SYNDIG1L: variants seen among roughly 807,000 people sequenced by gnomAD.
The protein encoded by SYNDIG1L is synapse differentiation-inducing gene protein 1-like.
Under a neutral mutation model 20.1 loss-of-function variants are expected in SYNDIG1L, and 13 were observed. That is an observed-to-expected ratio of 0.65 (90% CI 0.42 to 1.03). SYNDIG1L has a LOEUF of 1.03. SYNDIG1L is among the 50% of genes least tolerant of loss of function. The pLI is 0.00. For synonymous variants in SYNDIG1L, 128 were observed against 129.3 expected (o/e 0.99, Z 0.07); for missense variants, 294 against 305.1 (o/e 0.96, Z 0.27).
the SYNDIG1L span, among the ~76,000 whole-genome samples, chr14:74,443,477 A>C: frequency 6.6e-6 from 1 of 152,204 alleles, no homozygotes; most frequent in Non-Finnish European, 1.5e-5. Context: ...CACAGTATAG[A>C]GCTATTCTCC....
the SYNDIG1L span, among the ~76,000 whole-genome samples, chr14:74,477,039 AAC>A: frequency 0.025 from 2,399 of 96,284 alleles, 88 homozygotes; most frequent in East Asian, 0.068. Context: ...CCCCATTCCC[AAC>A]ACACACACAC....
At chr14:74,477,952 C>G in the SYNDIG1L span, among the ~76,000 whole-genome samples, 1 of 152,360 alleles carries the variant, frequency 6.6e-6, no homozygotes, top group Admixed American at 6.5e-5. Flanking sequence ...CTAATCCCCC[C>G]ACGGGAGCCC....
At chr14:74,423,770 T>G (rs575323068) in intron 1 of SYNDIG1L, among the ~76,000 whole-genome samples, 6 of 151,958 alleles carry the variant, frequency 3.9e-5, no homozygotes, top group Non-Finnish European at 8.8e-5. Context: ...TGTCCCCTCC[T>G]CTGGTCTTCC....
At position 74,411,164 on chromosome 14, in the gene SYNDIG1L, G is replaced by A. The variant is rs530150005; in HGVS notation, c.-57-1363C>T. ...CCCTGGATTTCTAATCTGAAGATTG[G>A]GGATTCAGTCCTGGTCTTGACGCCT... On this transcript the variant is annotated intron_variant, in intron 1 of 3. Transcript: ENST00000331628. Among the ~76,000 whole-genome samples, 5 of 152,280 alleles carry A rather than the reference G, an allele frequency of 3.3e-5. No individual in the cohort carries two copies. In the East Asian group the frequency reaches 9.6e-4, roughly 29 times the overall value.
At chr14:74,463,406 G>A in the SYNDIG1L span, among the ~76,000 whole-genome samples, 1,797 of 152,236 alleles carry the variant, frequency 0.012, 38 homozygotes, top group African/African-American at 0.041. Flanking sequence ...TGGTGGATGA[G>A]GCTGGGATGA....
chr14:74,414,702 T>TA (rs1432095129), intron 1 of SYNDIG1L, among the ~76,000 whole-genome samples: 1 of 152,202 alleles, frequency 6.6e-6, no homozygotes, highest in Non-Finnish European at 1.5e-5. Context: ...AAGAATAACT[T>TA]ACACTTACTG....
At chr14:74,409,015 C>T (rs1200693821) in intron 2 of SYNDIG1L, among the ~76,000 whole-genome samples, 2 of 151,712 alleles carry the variant, frequency 1.3e-5, no homozygotes, top group African/African-American at 2.4e-5. Flanking sequence ...TCTTAGATCT[C>T]GATATCTGGT....
intron 2 of SYNDIG1L, among the ~76,000 whole-genome samples, chr14:74,409,020 T>A (rs1199846607): frequency 6.6e-6 from 1 of 151,968 alleles, no homozygotes; most frequent in African/African-American, 2.4e-5. Flanking sequence ...GATCTCGATA[T>A]CTGGTGATGG....
intron 1 of SYNDIG1L, among the ~76,000 whole-genome samples, chr14:74,421,959 C>T (rs1446027761): frequency 6.6e-6 from 1 of 152,186 alleles, no homozygotes; most frequent in Non-Finnish European, 1.5e-5. Flanking sequence ...AAAGCATAAT[C>T]CACCTGCTTG....
chr14:74,476,735 C>T, the SYNDIG1L span: 1 of 624,384 alleles, frequency 1.6e-6, no homozygotes. Flanking sequence ...CTCCCCTCCA[C>T]CCCTTTTTAG....
In SYNDIG1L at chr14:74,418,184, C is replaced by T. The variant is rs370116128; in HGVS notation, c.-58+7728G>A. 6.4e-4 allele frequency among the ~76,000 whole-genome samples: 98 copies of T among 152,274 alleles called. 1 individual carries two copies. The highest frequency in any genetic ancestry group is 2.3e-3 in the African/African-American group (94 of 41,526). ...TGGTGGCTGTTTGTTGATGGCTTGG[C>T]GCTGGATTTGAAGATTTCTGGCTGG... On this transcript the variant is annotated intron_variant, in intron 1 of 3. Transcript: ENST00000331628.
the SYNDIG1L span, among the ~76,000 whole-genome samples, chr14:74,442,127 T>A: frequency 1.3e-5 from 2 of 152,176 alleles, no homozygotes; most frequent in African/African-American, 4.8e-5. Context: ...CTTTTTTTTT[T>A]ATCCATTCAT....
the SYNDIG1L span, among the ~76,000 whole-genome samples, chr14:74,440,642 G>A: frequency 6.6e-6 from 1 of 151,706 alleles, no homozygotes; most frequent in East Asian, 1.9e-4. Context: ...CCGAGATCAC[G>A]CCACTGAACT....
At chr14:74,462,300 A>T in the SYNDIG1L span, among the ~76,000 whole-genome samples, 70 of 151,524 alleles carry the variant, frequency 4.6e-4, no homozygotes, top group Admixed American at 4.5e-3. Context: ...CCTGGCCAAC[A>T]TAGTGAAACT....
chr14:74,470,394 G>T, the SYNDIG1L span, among the ~76,000 whole-genome samples: 1 of 152,112 alleles, frequency 6.6e-6, no homozygotes, highest in Non-Finnish European at 1.5e-5. Flanking sequence ...TCCTGGGGTG[G>T]TTGACTGGAT....
chr14:74,425,713 A>T (rs2139633761), intron 1 of SYNDIG1L, among the ~76,000 whole-genome samples, 199 bp downstream of exon 1: 1 of 152,256 alleles, frequency 6.6e-6, no homozygotes, highest in South Asian at 2.1e-4. Flanking sequence ...ACCCCAGTTC[A>T]TCAGCCCCCT....
chr14:74,464,056 G>T, the SYNDIG1L span, among the ~76,000 whole-genome samples: 1 of 152,228 alleles, frequency 6.6e-6, no homozygotes, highest in Non-Finnish European at 1.5e-5. Context: ...GGGTCTGACC[G>T]TGGCAACCCT....
the SYNDIG1L span, among the ~76,000 whole-genome samples, chr14:74,443,272 A>G: frequency 0.013 from 2,009 of 152,360 alleles, 39 homozygotes; most frequent in African/African-American, 0.047. Flanking sequence ...GAAGGAATTC[A>G]TGAAAGCAAT....
chr14:74,410,832 C>T (rs894067740), intron 1 of SYNDIG1L, among the ~76,000 whole-genome samples: 2 of 152,160 alleles, frequency 1.3e-5, no homozygotes, highest in African/African-American at 4.8e-5. Context: ...GTAACTTCCT[C>T]CCTAAGGCAA....
Sources: gnomAD v4.1 joint callset for allele counts (sites outside exome capture counted in the v4.1 genomes callset) on GRCh38, gnomAD v4.1.1 for gene constraint, MANE v1.5 for transcripts, NCBI Gene and HGNC (gene_info 2026-07-23, HGNC 2026-07-21) for gene names.